EPHA5: variants seen among roughly 807,000 people sequenced by gnomAD.
EPHA5 encodes the protein ephrin type-A receptor 5.
A neutral mutation model predicts 105.0 loss-of-function variants in EPHA5; 60 were observed. That is an observed-to-expected ratio of 0.57 (90% confidence interval 0.46 to 0.71). EPHA5 has a LOEUF of 0.71. Ranked by LOEUF, EPHA5 falls within the 30% of genes least tolerant of loss-of-function variation. EPHA5 has a pLI of 0.00. For missense variants in EPHA5, 1,218 were observed against 1,274.7 expected, an observed-to-expected ratio of 0.96 and a Z score of 0.68; for synonymous variants, 513 against 449.1, an observed-to-expected ratio of 1.14 and a Z score of -1.80.
At chr4:65,450,562 G>T (rs914113182) in intron 5 of EPHA5, among the ~76,000 whole-genome samples, 1 of 152,040 alleles carries the variant, frequency 6.6e-6, no homozygotes, top group Non-Finnish European at 1.5e-5. Flanking sequence ...AAGCATAATG[G>T]CAAATAATAT....
chr4:65,523,837 G>A (rs965695854), intron 3 of EPHA5, among the ~76,000 whole-genome samples: 2 of 151,818 alleles, frequency 1.3e-5, no homozygotes, highest in Non-Finnish European at 2.9e-5. Flanking sequence ...CAGGTTCAAA[G>A]GATTTCTTCT....
intron 2 of EPHA5, among the ~76,000 whole-genome samples, chr4:65,633,920 G>A (rs1746874092): frequency 6.6e-6 from 1 of 152,068 alleles, no homozygotes; most frequent in South Asian, 2.1e-4. Context: ...ACTAGACAAA[G>A]TGATAAGTGT....
intron 5 of EPHA5, among the ~76,000 whole-genome samples, chr4:65,445,038 A>G (rs1030191429): frequency 6.6e-6 from 1 of 152,066 alleles, no homozygotes; most frequent in African/African-American, 2.4e-5. Flanking sequence ...ACTGTGATTT[A>G]TGTTTTATCC....
chr4:65,512,856 G>T (rs1460434053), intron 3 of EPHA5, among the ~76,000 whole-genome samples: 4 of 151,844 alleles, frequency 2.6e-5, no homozygotes, highest in Non-Finnish European at 5.9e-5. Context: ...AAATGTAAAT[G>T]AATACACCTA....
chr4:65,459,318 A>T (rs1019119314), intron 5 of EPHA5, among the ~76,000 whole-genome samples: 8 of 151,992 alleles, frequency 5.3e-5, no homozygotes, highest in Non-Finnish European at 1.0e-4. Flanking sequence ...CTAAAGGAAA[A>T]CAAAACAACA....
intron 16 of EPHA5, among the ~76,000 whole-genome samples, chr4:65,325,162 C>T (rs1719957086): frequency 6.6e-6 from 1 of 151,344 alleles, no homozygotes; most frequent in South Asian, 2.1e-4. Context: ...TTATTGAACA[C>T]ATTATGTGAA....
intron 14 of EPHA5, among the ~76,000 whole-genome samples, chr4:65,342,520 T>C (rs951733961): frequency 3.3e-5 from 5 of 151,810 alleles, no homozygotes; most frequent in Admixed American, 3.3e-4. Context: ...ATAAGCAATA[T>C]ACATAAACAT....
At chr4:65,410,935 G>T (rs1722852144) in intron 7 of EPHA5, among the ~76,000 whole-genome samples, 1 of 152,086 alleles carries the variant, frequency 6.6e-6, no homozygotes, top group Non-Finnish European at 1.5e-5. Context: ...TTCCGTTACA[G>T]TCTCAAAGCT....
chr4:65,510,991 C>G (rs936011296), intron 3 of EPHA5, among the ~76,000 whole-genome samples: 1 of 152,174 alleles, frequency 6.6e-6, no homozygotes, highest in African/African-American at 2.4e-5. Flanking sequence ...ATCAATCTCT[C>G]TCTCTCTGTC....
chr4:65,398,607 C>A (rs1392388127), intron 8 of EPHA5, among the ~76,000 whole-genome samples: 2 of 152,138 alleles, frequency 1.3e-5, no homozygotes, highest in African/African-American at 4.8e-5. Flanking sequence ...TGCCCACAGT[C>A]CACTCAACAC....
intron 16 of EPHA5, chr4:65,330,986 C>G: frequency 1.1e-5 from 12 of 1,044,536 alleles, no homozygotes; most frequent in Non-Finnish European, 1.3e-5. Flanking sequence ...TGGGGAGGAA[C>G]AATGAATTCA....
chr4:65,574,290 C>T, intron 3 of EPHA5: 1 of 1,580,826 alleles, frequency 6.3e-7, no homozygotes, highest in South Asian at 1.1e-5. Flanking sequence ...TGTGTTTGCC[C>T]TGACGAATGG....
At chr4:65,536,210 C>A (rs1237305994) in intron 3 of EPHA5, among the ~76,000 whole-genome samples, 2 of 151,898 alleles carry the variant, frequency 1.3e-5, no homozygotes, top group Non-Finnish European at 2.9e-5. Context: ...GTGCTTTGAG[C>A]AGACAATTGC....
rs1718017342 is a variant in EPHA5, at chr4:65,367,379, C to T, written c.1839G>A (p.Lys613=). 5 of 1,611,910 alleles carry T rather than the reference C, an allele frequency of 3.1e-6. No homozygotes were observed. In the South Asian group the frequency reaches 5.5e-5, roughly 18 times the overall value. The change falls in exon 9 of 17, where the codon AAG becomes AAA. Residue 613 remains lysine (K), a synonymous_variant. Coordinates refer to ENST00000613740, the MANE Select transcript of EPHA5 (RefSeq NM_001281766.3). ...SKAKQDPEEE[K]MHFHNGHIKL... ...TACTGTGCCCATTATGAAAATGCAT[C>T]TTTTCCTCTTCTGGATCTTGTTTTG...
intron 8 of EPHA5, among the ~76,000 whole-genome samples, chr4:65,379,054 C>T (rs1337870237): frequency 1.3e-5 from 2 of 151,730 alleles, no homozygotes; most frequent in Non-Finnish European, 2.9e-5. Context: ...CACAAATATA[C>T]TTCTAGTTGA....
intron 5 of EPHA5, among the ~76,000 whole-genome samples, chr4:65,454,024 T>C (rs1727324355): frequency 6.6e-6 from 1 of 152,100 alleles, no homozygotes; most frequent in South Asian, 2.1e-4. Flanking sequence ...CTCACGCCTG[T>C]AATTCCAACA....
At chr4:65,396,330 G>A (rs1395522216) in intron 8 of EPHA5, among the ~76,000 whole-genome samples, 1 of 152,170 alleles carries the variant, frequency 6.6e-6, no homozygotes, top group Non-Finnish European at 1.5e-5. Context: ...AAAGTATTCA[G>A]ATGACCTGAC....
intron 7 of EPHA5, among the ~76,000 whole-genome samples, chr4:65,409,457 G>T (rs1465922648): frequency 6.6e-6 from 1 of 151,928 alleles, no homozygotes; most frequent in African/African-American, 2.4e-5. Flanking sequence ...TTTGCATCAT[G>T]CCTGGAAATT....
intron 8 of EPHA5, among the ~76,000 whole-genome samples, chr4:65,397,480 A>C (rs554057914): frequency 6.6e-6 from 1 of 152,058 alleles, no homozygotes; most frequent in South Asian, 2.1e-4. Context: ...GGGATTATCT[A>C]CCCCCTCAAA....
Sources: allele counts gnomAD v4.1 joint callset (sites outside exome capture counted in the v4.1 genomes callset), GRCh38; gene constraint gnomAD v4.1.1; transcripts MANE v1.5; gene names NCBI Gene and HGNC (gene_info 2026-07-23, HGNC 2026-07-21).